Variants in MAP2K6 observed in about 807,000 individuals in gnomAD.
MAP2K6 encodes dual specificity mitogen-activated protein kinase kinase 6.
MAP2K6 carries 16 observed loss-of-function variants against 53.7 expected under a neutral mutation model. That is an observed-to-expected ratio of 0.30 (90% CI 0.20 to 0.45). MAP2K6 has a LOEUF of 0.45. Among genes scored for constraint, MAP2K6 ranks in the 20% least tolerant of loss-of-function variants. The probability of loss-of-function intolerance (pLI) is 1.00; values close to 1 mark genes in which losing one functional copy is unlikely to be tolerated. For synonymous variants in MAP2K6, 132 were observed against 143.1 expected, an observed-to-expected ratio of 0.92 and a Z score of 0.55; for missense variants, 204 against 411.9, an observed-to-expected ratio of 0.50 and a Z score of 4.37.
In MAP2K6 at chr17:69,517,970, C is replaced by T. The variant is rs576785001; in HGVS notation, c.246+357C>T. Among the ~76,000 whole-genome samples, 4 of 152,228 alleles carry T rather than the reference C, an allele frequency of 2.6e-5. No individual in the cohort carries two copies. The East Asian group carries it at 5.8e-4, about 22-fold the overall frequency. ...GTTTGGGAGGCCAAGGCGGGTGGATCACGAGGTCAGGAGTTCGAGACCAGC... is the reference window on the plus strand; with the variant it reads ...GTTTGGGAGGCCAAGGCGGGTGGATTACGAGGTCAGGAGTTCGAGACCAGC... On this transcript the variant is annotated intron_variant, in intron 4 of 11. Coordinates refer to ENST00000590474, the MANE Select transcript of MAP2K6 (RefSeq NM_002758.4).
intron 2 of MAP2K6, among the ~76,000 whole-genome samples, chr17:69,506,395 A>G (rs1229884034): frequency 6.9e-6 from 1 of 144,628 alleles, no homozygotes; most frequent in African/African-American, 2.6e-5. Flanking sequence ...CTCTGTGAGG[A>G]TGTCTCCTTC....
intron 1 of MAP2K6, among the ~76,000 whole-genome samples, chr17:69,470,691 G>C (rs1446493781): frequency 6.6e-6 from 1 of 152,192 alleles, no homozygotes; most frequent in Admixed American, 6.5e-5. Flanking sequence ...TACCAACCTT[G>C]CTTCAAACTC....
At chr17:69,470,826 G>A (rs1907960780) in intron 1 of MAP2K6, among the ~76,000 whole-genome samples, 1 of 152,056 alleles carries the variant, frequency 6.6e-6, no homozygotes, top group African/African-American at 2.4e-5. Context: ...GCTTTTGATG[G>A]TGTGTTTGCT....
chr17:69,459,665 T>C (rs902322116), intron 1 of MAP2K6, among the ~76,000 whole-genome samples: 2 of 125,172 alleles, frequency 1.6e-5, no homozygotes. Flanking sequence ...TGAGCTGAGA[T>C]TGCACCACTG....
At chr17:69,445,278 T>A (rs1400909254) in intron 1 of MAP2K6, among the ~76,000 whole-genome samples, 1 of 152,224 alleles carries the variant, frequency 6.6e-6, no homozygotes, top group Non-Finnish European at 1.5e-5. Flanking sequence ...GGAAGGAAAC[T>A]TGACTCAGGG....
chr17:69,532,657 G>C (rs1381995515), intron 10 of MAP2K6, among the ~76,000 whole-genome samples: 3 of 152,134 alleles, frequency 2.0e-5, no homozygotes, highest in African/African-American at 7.2e-5. Context: ...CCCATGTTTT[G>C]AAGTGTTCTT....
intron 1 of MAP2K6, among the ~76,000 whole-genome samples, chr17:69,464,862 C>G (rs1348749637): frequency 1.3e-5 from 2 of 151,340 alleles, no homozygotes; most frequent in Admixed American, 1.3e-4. Flanking sequence ...ATTACAGGCA[C>G]GTGCCACCAC....
At chr17:69,445,451 T>G (rs1567820013) in intron 1 of MAP2K6, among the ~76,000 whole-genome samples, 2 of 152,236 alleles carry the variant, frequency 1.3e-5, no homozygotes, top group African/African-American at 4.8e-5. Flanking sequence ...CCTTGATTTG[T>G]GAACAATTTT....
intron 1 of MAP2K6, among the ~76,000 whole-genome samples, chr17:69,462,078 A>G (rs1465387779): frequency 6.6e-6 from 1 of 152,214 alleles, no homozygotes; most frequent in Non-Finnish European, 1.5e-5. Context: ...GGATGGTGGC[A>G]TGCGAAAGTA....
chr17:69,466,848 A>C lies in MAP2K6; in HGVS notation c.17-38932A>C, dbSNP rs113735908. Among the ~76,000 whole-genome samples the C allele has an allele frequency of 8.3e-3, 1,263 of 152,268 alleles. 23 individuals are homozygous for C. Among genetic ancestry groups the C allele is most frequent in the African/African-American group, 0.029 (1,215 of 41,550 alleles). ...TAGGATTCACTTATGTTATCAGTTA[A>C]ATAGGCTTTTGTTGGGCTGATGGTG... On this transcript the variant is annotated intron_variant, in intron 1 of 11. Transcript: ENST00000590474.
chr17:69,453,347 G>A (rs1422793073), intron 1 of MAP2K6, among the ~76,000 whole-genome samples: 1 of 152,204 alleles, frequency 6.6e-6, no homozygotes, highest in Non-Finnish European at 1.5e-5. Flanking sequence ...GAATCCAAGT[G>A]CTGCATTCCA....
At chr17:69,473,332 T>C (rs578201390) in intron 1 of MAP2K6, among the ~76,000 whole-genome samples, 82 of 152,286 alleles carry the variant, frequency 5.4e-4, no homozygotes, top group Middle Eastern at 6.8e-3. Flanking sequence ...TGCCAAGGGA[T>C]AAAAATGGTA....
At chr17:69,485,798 C>T (rs1908512428) in intron 1 of MAP2K6, among the ~76,000 whole-genome samples, 1 of 152,198 alleles carries the variant, frequency 6.6e-6, no homozygotes, top group South Asian at 2.1e-4. Context: ...GTGTACCTCT[C>T]TGGCCTCTTT....
intron 1 of MAP2K6, among the ~76,000 whole-genome samples, chr17:69,487,165 T>C (rs912337566): frequency 6.6e-6 from 1 of 152,174 alleles, no homozygotes; most frequent in East Asian, 1.9e-4. Flanking sequence ...AATTTATATA[T>C]AGCCCTGACA....
chr17:69,523,483 A>T (rs1296032399), intron 7 of MAP2K6, 31 bp from the exon 8 acceptor site: 1 of 1,610,928 alleles, frequency 6.2e-7, no homozygotes, highest in Non-Finnish European at 8.5e-7. Context: ...GCAGGCTGAA[A>T]TGATGGCATC....
At chr17:69,441,371 A>G (rs1329214248) in intron 1 of MAP2K6, among the ~76,000 whole-genome samples, 1 of 152,090 alleles carries the variant, frequency 6.6e-6, no homozygotes, top group Non-Finnish European at 1.5e-5. Flanking sequence ...CTATGTCTTC[A>G]AATTTATTGA....
intron 1 of MAP2K6, among the ~76,000 whole-genome samples, chr17:69,453,893 C>T (rs532345327): frequency 3.3e-5 from 5 of 152,240 alleles, no homozygotes; most frequent in Middle Eastern, 3.4e-3. Context: ...TAAAGCTTCC[C>T]GGGGGATTCC....
intron 10 of MAP2K6, among the ~76,000 whole-genome samples, chr17:69,532,509 T>C (rs1376706586): frequency 6.6e-6 from 1 of 152,256 alleles, no homozygotes; most frequent in African/African-American, 2.4e-5. Flanking sequence ...TTCAAAAGTC[T>C]GATTCCAGTT....
chr17:69,518,467 G>C (rs1428174688), intron 4 of MAP2K6, among the ~76,000 whole-genome samples: 1 of 152,158 alleles, frequency 6.6e-6, no homozygotes, highest in East Asian at 1.9e-4. Context: ...AAAAAGGAGG[G>C]TAAAATATAT....
Sources: allele counts gnomAD v4.1 joint callset (sites outside exome capture counted in the v4.1 genomes callset), GRCh38; gene constraint gnomAD v4.1.1; transcripts MANE v1.5; gene names NCBI Gene and HGNC (gene_info 2026-07-23, HGNC 2026-07-21).